Variants in DYM observed in about 807,000 individuals in gnomAD.
DYM encodes dymeclin, also known as dyggve-Melchior-Clausen syndrome protein.
DYM carries 78 observed loss-of-function variants against 93.1 expected under a neutral mutation model. That is an observed-to-expected ratio of 0.84 (90% CI 0.70 to 1.01). The LOEUF (loss-of-function observed/expected upper bound fraction) is 1.01, where lower values mean the gene tolerates loss of function less well. Among genes scored for constraint, DYM ranks in the 50% least tolerant of loss-of-function variants. DYM has a pLI of 0.00. For synonymous variants in DYM, 321 were observed against 319.7 expected (o/e 1.00, Z -0.04); for missense variants, 789 against 845.0 (o/e 0.93, Z 0.82).
chr18:49,186,383 C>T (rs917616499), intron 14 of DYM, among the ~76,000 whole-genome samples: 4 of 152,142 alleles, frequency 2.6e-5, no homozygotes, highest in African/African-American at 9.7e-5. Context: ...TATGTCTGAT[C>T]TCATCTCCTC....
At chr18:49,099,984 A>C (rs546271695) in intron 16 of DYM, among the ~76,000 whole-genome samples, 2 of 152,224 alleles carry the variant, frequency 1.3e-5, no homozygotes, top group African/African-American at 4.8e-5. Context: ...GGTTTAACTA[A>C]ATCTAGATAC....
chr18:49,459,831 A>C (rs2148781082), intron 1 of DYM, among the ~76,000 whole-genome samples: 1 of 151,810 alleles, frequency 6.6e-6, no homozygotes, highest in African/African-American at 2.4e-5. Flanking sequence ...ACAATTGCTC[A>C]GGCAAATCCA....
intron 8 of DYM, among the ~76,000 whole-genome samples, chr18:49,314,300 G>C (rs571597141): frequency 6.6e-6 from 1 of 152,248 alleles, no homozygotes; most frequent in East Asian, 1.9e-4. Context: ...AGTCATCCAG[G>C]TTTATATGAG....
intron 10 of DYM, among the ~76,000 whole-genome samples, chr18:49,279,866 T>A (rs2094928447): frequency 6.6e-6 from 1 of 152,240 alleles, no homozygotes; most frequent in Non-Finnish European, 1.5e-5. Context: ...CACCACACTT[T>A]TTGTTCTTAG....
chr18:49,405,508 T>G (rs1214768844), intron 2 of DYM, among the ~76,000 whole-genome samples: 1 of 152,220 alleles, frequency 6.6e-6, no homozygotes, highest in Non-Finnish European at 1.5e-5. Context: ...GTCTTTTCCT[T>G]ATGATTTTTG....
In DYM at chr18:49,037,490, A is replaced by G. The variant is rs1430362564; in HGVS notation, c.*6565T>C. The stretch of plus-strand genomic sequence containing the variant: ...CTTTCTATTGGGTACTATGTTCACT[A>G]TCTGGGTGACAGGATCATTAGGAGC... On this transcript the variant is annotated 3_prime_UTR_variant, in exon 18 of 18. Transcript: ENST00000675505. 6.6e-6 allele frequency among the ~76,000 whole-genome samples: 1 copy of G among 152,192 alleles called. No homozygotes were observed. Among genetic ancestry groups the G allele is most frequent in the East Asian group, 1.9e-4 (1 of 5,198 alleles).
intron 17 of DYM, among the ~76,000 whole-genome samples, chr18:49,066,524 C>T (rs961310441): frequency 6.6e-6 from 1 of 152,188 alleles, no homozygotes. Context: ...CTGATGGACA[C>T]TGGGTTGTTT....
At chr18:49,349,375 T>G (rs2147136925) in intron 6 of DYM, among the ~76,000 whole-genome samples, 1 of 152,296 alleles carries the variant, frequency 6.6e-6, no homozygotes, top group South Asian at 2.1e-4. Flanking sequence ...ATTAAAAATA[T>G]TCTTAAAAAC....
chr18:49,078,495 C>A (rs2145083300), intron 17 of DYM, among the ~76,000 whole-genome samples: 1 of 152,190 alleles, frequency 6.6e-6, no homozygotes, highest in Non-Finnish European at 1.5e-5. Context: ...GTTATATATA[C>A]ATCTACATAG....
intron 13 of DYM, among the ~76,000 whole-genome samples, chr18:49,233,794 G>T (rs531576044): frequency 2.0e-4 from 31 of 152,184 alleles, no homozygotes; most frequent in Non-Finnish European, 2.8e-4. Flanking sequence ...TGGATTGCTA[G>T]ATTGAAGGTC....
intron 13 of DYM, among the ~76,000 whole-genome samples, chr18:49,224,742 A>T (rs772674618): frequency 3.4e-4 from 52 of 152,054 alleles, no homozygotes; most frequent in Non-Finnish European, 3.4e-4. Context: ...CAGATTCCAG[A>T]TCTGTGGGAA....
chr18:49,215,165 G>A (rs1472726052), intron 13 of DYM, among the ~76,000 whole-genome samples: 1 of 152,172 alleles, frequency 6.6e-6, no homozygotes, highest in Non-Finnish European at 1.5e-5. Context: ...AGTACACAAA[G>A]TCTAACTTAT....
chr18:49,057,577 A>C (rs1016858273), intron 17 of DYM, among the ~76,000 whole-genome samples: 2 of 152,312 alleles, frequency 1.3e-5, no homozygotes, highest in African/African-American at 4.8e-5. Context: ...CTGACAGCTG[A>C]AGCTGCACCA....
Position 49,364,369 on chromosome 18 carries a change from C to T in DYM, c.422-1136G>A, listed in dbSNP as rs537498313. 4.6e-5 allele frequency among the ~76,000 whole-genome samples: 7 copies of T among 151,896 alleles called. 1 individual carries two copies. In the South Asian group the frequency reaches 1.0e-3, roughly 23 times the overall value. On this transcript the variant is annotated intron_variant, in intron 5 of 17. Coordinates refer to ENST00000675505, the MANE Select transcript of DYM (RefSeq NM_001353214.3). ...CAGAGACAGGAGAATTGCTTGAACC[C>T]GGGAGGAAGAGGTTGCAGTGAACTG...
intron 10 of DYM, among the ~76,000 whole-genome samples, chr18:49,281,549 A>G (rs189092073): frequency 1.3e-5 from 2 of 152,362 alleles, no homozygotes; most frequent in African/African-American, 4.8e-5. Flanking sequence ...ACTTGGAACC[A>G]AGCCAAATGT....
intron 13 of DYM, among the ~76,000 whole-genome samples, chr18:49,241,292 GTCTGCC>G (rs2094001637): frequency 2.6e-5 from 4 of 152,118 alleles, no homozygotes; most frequent in Non-Finnish European, 5.9e-5. Context: ...TCAATGTCAG[GTCTGCC>G]AAAAAGAACA....
intron 2 of DYM, among the ~76,000 whole-genome samples, chr18:49,406,205 C>A (rs887775653): frequency 6.6e-6 from 1 of 152,134 alleles, no homozygotes; most frequent in Admixed American, 6.5e-5. Flanking sequence ...CCTTTTATTT[C>A]TTTCTCTTGC....
At chr18:49,432,496 A>C (rs1047549616) in intron 1 of DYM, among the ~76,000 whole-genome samples, 1 of 151,982 alleles carries the variant, frequency 6.6e-6, no homozygotes, top group Non-Finnish European at 1.5e-5. Context: ...ATGTTTAAAA[A>C]AAAAAGCAAG....
At chr18:49,372,857 T>C (rs1391914816) in intron 5 of DYM, among the ~76,000 whole-genome samples, 1 of 150,458 alleles carries the variant, frequency 6.6e-6, no homozygotes, top group East Asian at 2.1e-4. Context: ...TCTGTCAGTA[T>C]GCAGACAGAA....
Sources: allele counts gnomAD v4.1 joint callset (sites outside exome capture counted in the v4.1 genomes callset), GRCh38; gene constraint gnomAD v4.1.1; transcripts MANE v1.5; gene names NCBI Gene and HGNC (gene_info 2026-07-23, HGNC 2026-07-21).